POLA1: variants seen among roughly 807,000 people sequenced by gnomAD.
POLA1 encodes the protein DNA polymerase alpha 1, catalytic subunit.
A neutral mutation model predicts 124.0 loss-of-function variants in POLA1; 15 were observed. The observed-to-expected ratio is 0.12, with a 90% confidence interval of 0.08 to 0.19. The LOEUF (loss-of-function observed/expected upper bound fraction) is 0.19, where lower values mean the gene tolerates loss of function less well. POLA1 is among the 10% of genes least tolerant of loss of function. The pLI is 1.00. For missense variants in POLA1, 886 were observed against 1,103.4 expected, an observed-to-expected ratio of 0.80 and a Z score of 2.79; for synonymous variants, 408 against 389.4, an observed-to-expected ratio of 1.05 and a Z score of -0.56.
intron 35 of POLA1, among the ~76,000 whole-genome samples, chrX:24,902,649 A>G (rs749878794): frequency 6.3e-5 from 7 of 111,709 alleles, no homozygotes; most frequent in Non-Finnish European, 1.1e-4. Context: ...TTGTCCTTCC[A>G]CCAGTCTTCC....
chrX:24,825,059 T>A (rs779276100), intron 31 of POLA1, among the ~76,000 whole-genome samples: 37 of 112,230 alleles, frequency 3.3e-4, no homozygotes, highest in Middle Eastern at 4.6e-3. Flanking sequence ...GCAGTCTAAA[T>A]ACAATTGAGT....
At chrX:24,935,110 T>C (rs1283225419) in intron 36 of POLA1, among the ~76,000 whole-genome samples, 1 of 111,733 alleles carries the variant, frequency 8.9e-6, no homozygotes, top group African/African-American at 3.3e-5. Flanking sequence ...ACTGGTCATA[T>C]TGGATTGGGT....
chrX:24,951,343 A>C (rs1430185552), intron 36 of POLA1, among the ~76,000 whole-genome samples: 130 of 40,893 alleles, frequency 3.2e-3, no homozygotes, highest in Admixed American at 5.4e-3. Context: ...ACACCTCCCT[A>C]CCCCCCCCCC....
intron 26 of POLA1, 82 bp downstream of exon 26, chrX:24,749,074 T>G (rs1932176779): frequency 4.0e-6 from 3 of 754,705 alleles, no homozygotes; most frequent in Non-Finnish European, 6.0e-6. Flanking sequence ...GAGTCAAGTT[T>G]ATTACCTAGT....
At chrX:24,904,560 T>A (rs1199179848) in intron 35 of POLA1, among the ~76,000 whole-genome samples, 1 of 111,058 alleles carries the variant, frequency 9.0e-6, no homozygotes, top group Non-Finnish European at 1.9e-5. Flanking sequence ...CCTCTTTCTC[T>A]TTCTTCCTAT....
At chrX:24,974,918 C>T (rs1264242172) in intron 36 of POLA1, among the ~76,000 whole-genome samples, 3 of 112,345 alleles carry the variant, frequency 2.7e-5, no homozygotes, top group Non-Finnish European at 3.8e-5. Context: ...ACGGAATCCT[C>T]GATAGTATTT....
intron 36 of POLA1, among the ~76,000 whole-genome samples, chrX:24,953,967 T>C (rs1030144491): frequency 8.9e-6 from 1 of 112,085 alleles, no homozygotes; most frequent in Non-Finnish European, 1.9e-5. Context: ...TAAAGACCTC[T>C]AGTATGACAG....
rs945789896 is a variant in POLA1 at position 24,830,911 on chromosome X, C to T, written c.3736+4310C>T. On this transcript the variant is annotated intron_variant, in intron 32 of 36. Coordinates refer to ENST00000379068, the MANE Select transcript of POLA1 (RefSeq NM_001330360.2). ...ACAGTAGTTATAAAGAACCTTTCTT[C>T]GGGGTCAGTGATAAAATTTCAGGCA... is the stretch of plus-strand genomic sequence containing the variant. 7.1e-5 allele frequency among the ~76,000 whole-genome samples: 8 copies of T among 111,954 alleles called. No homozygotes were observed. In the South Asian group the frequency reaches 2.6e-3, roughly 37 times the overall value.
At chrX:24,945,322 G>T (rs1258131798) in intron 36 of POLA1, among the ~76,000 whole-genome samples, 1 of 112,212 alleles carries the variant, frequency 8.9e-6, no homozygotes, top group African/African-American at 3.2e-5. Flanking sequence ...ATTTGAGTTG[G>T]TTTCTGCAGC....
intron 36 of POLA1, among the ~76,000 whole-genome samples, chrX:24,977,329 C>T (rs749074712): frequency 4.4e-5 from 5 of 112,670 alleles, no homozygotes; most frequent in Non-Finnish European, 9.4e-5. Flanking sequence ...GGCTGGAACT[C>T]AGTGTTCCTC....
At chrX:24,905,746 A>G (rs779822515) in intron 35 of POLA1, among the ~76,000 whole-genome samples, 31 of 111,103 alleles carry the variant, frequency 2.8e-4, no homozygotes, top group African/African-American at 1.0e-3. Context: ...TATTTTTAGT[A>G]GAGACGGGGT....
chrX:24,770,894 AAGGGGGTTAGTTTTTTTT>A (rs1311919406), intron 26 of POLA1, among the ~76,000 whole-genome samples: 4 of 111,211 alleles, frequency 3.6e-5, no homozygotes, highest in African/African-American at 1.3e-4. Flanking sequence ...CAGGAACTGG[AAGGGGGTTAGTTTTTTTT>A]AGGATGAAAA....
At chrX:24,985,570 C>A (rs2048472056) in intron 36 of POLA1, among the ~76,000 whole-genome samples, 1 of 112,235 alleles carries the variant, frequency 8.9e-6, no homozygotes, top group Non-Finnish European at 1.9e-5. Flanking sequence ...TCACTAAACC[C>A]TCTAGAGAGA....
At chrX:24,995,729 C>T in intron 36 of POLA1, 76 bp from the exon 37 acceptor site, 5 of 902,885 alleles carry the variant, frequency 5.5e-6, no homozygotes, top group Non-Finnish European at 7.9e-6. Context: ...AATCAGCATC[C>T]CCTTCTCTGG....
chrX:24,797,260 A>G (rs1602405218), intron 26 of POLA1, among the ~76,000 whole-genome samples: 1 of 110,138 alleles, frequency 9.1e-6, no homozygotes, highest in East Asian at 2.9e-4. Context: ...CCTCAACCAT[A>G]CATTTTATTT....
intron 26 of POLA1, among the ~76,000 whole-genome samples, chrX:24,761,678 T>C (rs1932798166): frequency 8.9e-6 from 1 of 112,178 alleles, no homozygotes; most frequent in Admixed American, 9.4e-5. Context: ...TCTTTAATGA[T>C]GTCCTGATAG....
intron 26 of POLA1, among the ~76,000 whole-genome samples, chrX:24,786,822 G>A (rs1249733992): frequency 1.9e-5 from 2 of 107,421 alleles, no homozygotes; most frequent in Non-Finnish European, 3.8e-5. Flanking sequence ...CCAGTAGCTG[G>A]GACTACAGGC....
chrX:24,927,026 C>CG (rs1569365199), intron 35 of POLA1, among the ~76,000 whole-genome samples: 1 of 108,068 alleles, frequency 9.3e-6, no homozygotes, highest in Non-Finnish European at 1.9e-5. Context: ...TTAGTAGAGA[C>CG]GGGGTTTCAC....
At chrX:24,870,844 G>A (rs982426176) in intron 34 of POLA1, among the ~76,000 whole-genome samples, 15 of 111,715 alleles carry the variant, frequency 1.3e-4, no homozygotes, top group Non-Finnish European at 2.3e-4. Context: ...TCAGAGCTAG[G>A]TCAAGAGAGC....
Sources: gnomAD v4.1 joint callset for allele counts (sites outside exome capture counted in the v4.1 genomes callset) on GRCh38, gnomAD v4.1.1 for gene constraint, MANE v1.5 for transcripts, NCBI Gene and HGNC (gene_info 2026-07-23, HGNC 2026-07-21) for gene names.